The following CGGBP1 variants were observed in gnomAD, a reference collection of about 807,000 sequenced individuals.
CGGBP1 encodes CGG triplet repeat-binding protein 1.
CGGBP1 carries 4 observed loss-of-function variants against 11.4 expected under a neutral mutation model. That is an observed-to-expected ratio of 0.35 (90% CI 0.17 to 0.80). The LOEUF (loss-of-function observed/expected upper bound fraction) is 0.80. CGGBP1 is among the 30% of genes least tolerant of loss of function. CGGBP1 has a pLI of 0.52. For missense variants in CGGBP1, 135 were observed against 202.1 expected (o/e 0.67, Z 2.01); for synonymous variants, 76 against 74.1 (o/e 1.03, Z -0.13).
chr3:88,139,967 T>C (rs1341475114), intron 2 of CGGBP1: 1 of 1,613,784 alleles, frequency 6.2e-7, no homozygotes, highest in East Asian at 2.2e-5. Context: ...TAAATAAACA[T>C]GCAATGACCG....
At chr3:88,068,129 G>A (rs1707308391) in intron 2 of CGGBP1, among the ~76,000 whole-genome samples, 1 of 152,042 alleles carries the variant, frequency 6.6e-6, no homozygotes, top group South Asian at 2.1e-4. Context: ...GCTGATTAGA[G>A]AGGTATGTTG....
chr3:88,109,065 G>C (rs1375399791), intron 2 of CGGBP1, among the ~76,000 whole-genome samples: 1 of 151,698 alleles, frequency 6.6e-6, no homozygotes. Flanking sequence ...AATTGGGTTA[G>C]GTGCTATCCG....
chr3:88,141,046 AAAGT>A, exon 2 of CGGBP1: 1 of 1,589,090 alleles, frequency 6.3e-7, no homozygotes, highest in Non-Finnish European at 8.6e-7. Flanking sequence ...TCAGATGATG[AAAGT>A]AAGTCTTCTG....
chr3:88,082,292 A>G (rs763655810), intron 2 of CGGBP1, among the ~76,000 whole-genome samples: 3 of 151,974 alleles, frequency 2.0e-5, no homozygotes, highest in Non-Finnish European at 4.4e-5. Context: ...ACGCCCAGCT[A>G]ATTTTTATAT....
chr3:88,094,163 G>GAT (rs1703915363), intron 2 of CGGBP1, among the ~76,000 whole-genome samples: 1 of 151,190 alleles, frequency 6.6e-6, no homozygotes, highest in Admixed American at 6.6e-5. Context: ...AACTTCATGA[G>GAT]ATGGTTTTGT....
In CGGBP1 at chr3:88,058,945, G is replaced by A. The variant is rs1706668770; in HGVS notation, c.-461C>T. On this transcript the variant is annotated 5_prime_UTR_variant, in exon 1 of 4. Coordinates refer to ENST00000482016, the MANE Select transcript of CGGBP1 (RefSeq NM_001008390.2). ...GCTGCCGCCGTCGCCGCCGTTGCCC[G>A]ATCGAGCCCCGCGGCGGCCGCCGTG... 1 of 202,692 alleles carries A rather than the reference G, an allele frequency of 4.9e-6. No homozygotes were observed. The highest frequency in any genetic ancestry group is 9.8e-6 in the Non-Finnish European group (1 of 101,932). The allele number at this position is 202,692 out of a possible 1,614,324, so 12.6% of individuals were successfully genotyped here. A position where few individuals can be genotyped will look rare whatever the true frequency, so the allele number is the denominator to read the frequency against.
intron 1 of CGGBP1, among the ~76,000 whole-genome samples, chr3:88,145,063 C>T (rs1053378883): frequency 1.8e-5 from 1 of 56,394 alleles, no homozygotes; most frequent in Admixed American, 2.1e-4. Flanking sequence ...TCTGGTGGAA[C>T]TTAAAAAAAC....
intron 2 of CGGBP1, among the ~76,000 whole-genome samples, chr3:88,113,783 C>T (rs1470381676): frequency 6.7e-6 from 1 of 148,820 alleles, no homozygotes; most frequent in Admixed American, 6.8e-5. Flanking sequence ...GTGAAGTGTC[C>T]CTGATCACCC....
At chr3:88,095,654 CTG>C in intron 2 of CGGBP1, 1 of 485,462 alleles carries the variant, frequency 2.1e-6, no homozygotes, top group Non-Finnish European at 4.1e-6. Flanking sequence ...TATCATCACT[CTG>C]TTCTCTTTTT....
exon 2 of CGGBP1, chr3:88,141,075 G>A: frequency 6.5e-7 from 1 of 1,543,652 alleles, no homozygotes; most frequent in South Asian, 1.3e-5. Context: ...CTTAGTAGAG[G>A]TATCTGTAGA....
chr3:88,143,037 G>A (rs1301138539), intron 1 of CGGBP1: 2 of 152,218 alleles, frequency 1.3e-5, no homozygotes, highest in African/African-American at 2.4e-5. Context: ...TTTCAAAACA[G>A]ATCTCCTAAT....
At chr3:88,067,695 A>T (rs1707278031) in intron 2 of CGGBP1, among the ~76,000 whole-genome samples, 1 of 152,208 alleles carries the variant, frequency 6.6e-6, no homozygotes, top group Non-Finnish European at 1.5e-5. Context: ...TCGTTGAATT[A>T]ACATGGAGTC....
At chr3:88,065,240 AGATGTTGACGGCTGTATTTGGG>A (rs1707128415) in intron 2 of CGGBP1, among the ~76,000 whole-genome samples, 3 of 152,170 alleles carry the variant, frequency 2.0e-5, no homozygotes. Context: ...AATGAACCTT[AGATGTTGACGGCTGTATTTGGG>A]GAGCTAAATC....
In CGGBP1 at chr3:88,095,947, C is replaced by T. The variant is rs1308318288; in HGVS notation, c.-228-37724G>A. 8.7e-6 allele frequency: 3 copies of T among 345,150 alleles called. No individual in the cohort carries two copies. In the Admixed American group the frequency reaches 1.2e-4, roughly 14 times the overall value. The allele number at this position is 345,150 out of a possible 1,614,324, so 21.4% of individuals were successfully genotyped here. A position where few individuals can be genotyped will look rare whatever the true frequency, so the allele number is the denominator to read the frequency against. On this transcript the variant is annotated intron_variant, in intron 2 of 3. Coordinates refer to the CGGBP1 transcript ENST00000462901. ...TCTTCATTCTCTGATGAAATGTTAG[C>T]TGTGTGCTTGGTTTTCTTTCCCGTG...
At chr3:88,119,633 C>T (rs529020753) in intron 2 of CGGBP1, among the ~76,000 whole-genome samples, 7 of 151,350 alleles carry the variant, frequency 4.6e-5, no homozygotes, top group Non-Finnish European at 7.4e-5. Context: ...CCTTGACTGA[C>T]TCCAGTGTTC....
intron 2 of CGGBP1, among the ~76,000 whole-genome samples, chr3:88,076,567 CTGTTTTGTTT>C (rs373817082): frequency 6.6e-5 from 10 of 152,136 alleles, no homozygotes; most frequent in South Asian, 2.1e-4. Flanking sequence ...AGTGCATCAT[CTGTTTTGTTT>C]TGTTTTGTTT....
intron 2 of CGGBP1, among the ~76,000 whole-genome samples, chr3:88,092,687 AAT>A (rs1469918031): frequency 5.3e-5 from 8 of 152,202 alleles, no homozygotes; most frequent in African/African-American, 1.9e-4. Flanking sequence ...TTTATTAAAT[AAT>A]GTTATAAAAT....
intron 2 of CGGBP1, among the ~76,000 whole-genome samples, chr3:88,106,639 G>A (rs1010608354): frequency 6.6e-6 from 1 of 152,026 alleles, no homozygotes; most frequent in Non-Finnish European, 1.5e-5. Flanking sequence ...CACTGGCCTC[G>A]GCCCTTTTTT....
intron 2 of CGGBP1, chr3:88,139,347 G>A (rs1326462388): frequency 2.5e-6 from 4 of 1,610,960 alleles, no homozygotes; most frequent in Non-Finnish European, 3.4e-6. Flanking sequence ...TGGTCACATT[G>A]TAAGGCATGC....
Sources: gnomAD v4.1 joint callset for allele counts (sites outside exome capture counted in the v4.1 genomes callset) on GRCh38, gnomAD v4.1.1 for gene constraint, MANE v1.5 for transcripts, NCBI Gene and HGNC (gene_info 2026-07-23, HGNC 2026-07-21) for gene names.